The following ACBD6 variants were observed in gnomAD, a reference collection of about 807,000 sequenced individuals.
The protein encoded by ACBD6 is acyl-CoA binding domain containing 6.
ACBD6 carries 28 observed loss-of-function variants against 37.2 expected under a neutral mutation model. The ratio of observed to expected loss-of-function variants is 0.75; its 90% confidence interval spans 0.56 to 1.03. The LOEUF is 1.03. Among genes scored for constraint, ACBD6 ranks in the 50% least tolerant of loss-of-function variants. ACBD6 has a pLI of 0.00. For missense variants in ACBD6, 340 were observed against 337.4 expected (o/e 1.01, Z -0.06); for synonymous variants, 113 against 126.8 (o/e 0.89, Z 0.73).
chr1:180,352,454 G>A (rs1444333180), intron 6 of ACBD6, among the ~76,000 whole-genome samples: 1 of 152,014 alleles, frequency 6.6e-6, no homozygotes, highest in Admixed American at 6.5e-5. Flanking sequence ...CCTCCGAAAA[G>A]CTGGGATTAC....
intron 6 of ACBD6, among the ~76,000 whole-genome samples, chr1:180,333,390 C>A (rs1380681354): frequency 1.3e-5 from 2 of 152,092 alleles, no homozygotes; most frequent in Non-Finnish European, 2.9e-5. Context: ...TATGCTATTG[C>A]ATGCTCATGA....
chr1:180,486,059 G>A (rs1651252574), intron 3 of ACBD6, among the ~76,000 whole-genome samples: 1 of 151,982 alleles, frequency 6.6e-6, no homozygotes, highest in African/African-American at 2.4e-5. Context: ...TGAGCCCCGA[G>A]TGTCCCTACA....
intron 5 of ACBD6, among the ~76,000 whole-genome samples, chr1:180,401,570 G>A (rs1647362823): frequency 6.6e-6 from 1 of 151,958 alleles, no homozygotes; most frequent in Non-Finnish European, 1.5e-5. Flanking sequence ...GATCACCTGA[G>A]GTGAGGAGTT....
chr1:180,433,278 A>AAT (rs1648882136), intron 3 of ACBD6, among the ~76,000 whole-genome samples: 1 of 152,220 alleles, frequency 6.6e-6, no homozygotes, highest in African/African-American at 2.4e-5. Flanking sequence ...TAATACAATG[A>AAT]AGGACAAAAC....
At chr1:180,435,181 T>C in intron 3 of ACBD6, 1 of 686,354 alleles carries the variant, frequency 1.5e-6, no homozygotes, top group South Asian at 1.5e-5. Flanking sequence ...GACACGGATT[T>C]CAACATCGCT....
intron 7 of ACBD6, among the ~76,000 whole-genome samples, chr1:180,306,584 TG>T (rs1650386152): frequency 6.6e-6 from 1 of 152,212 alleles, no homozygotes; most frequent in Admixed American, 6.5e-5. Context: ...CTTTTGTGTC[TG>T]GCATCTCAGC....
intron 5 of ACBD6, among the ~76,000 whole-genome samples, chr1:180,407,579 G>C (rs925022248): frequency 2.0e-5 from 3 of 152,186 alleles, no homozygotes; most frequent in African/African-American, 7.2e-5. Flanking sequence ...ATAACACAGG[G>C]AAGGCCAAAT....
chr1:180,314,501 T>TC, intron 7 of ACBD6, among the ~76,000 whole-genome samples, 191 bp downstream of exon 7: 1 of 152,302 alleles, frequency 6.6e-6, no homozygotes. Flanking sequence ...CGCCTCAGCC[T>TC]CCCATAGTGC....
chr1:180,364,736 CTTTT>C (rs10646954), intron 6 of ACBD6, among the ~76,000 whole-genome samples: 1 of 140,886 alleles, frequency 7.1e-6, no homozygotes, highest in African/African-American at 2.6e-5. Context: ...TCCTTTCTAT[CTTTT>C]TTTTTTTTTT....
At chr1:180,435,210 A>T (rs1648979868) in intron 3 of ACBD6, 2 of 683,920 alleles carry the variant, frequency 2.9e-6, no homozygotes, top group African/African-American at 3.6e-5. Context: ...CATCTGGGGT[A>T]CTCTGGTGCT....
chr1:180,400,377 G>A (rs1240755803), intron 5 of ACBD6, among the ~76,000 whole-genome samples: 1 of 152,112 alleles, frequency 6.6e-6, no homozygotes, highest in Non-Finnish European at 1.5e-5. Context: ...ATTAATTCTT[G>A]TAACACATTA....
chr1:180,333,664 G>C (rs938966567), intron 6 of ACBD6, among the ~76,000 whole-genome samples: 26 of 152,170 alleles, frequency 1.7e-4, no homozygotes, highest in African/African-American at 5.3e-4. Context: ...TCAGAAAGTG[G>C]GTGCAGGACA....
chr1:180,275,069 A>C, exon 10 of ACBD6: 1 of 153,524 alleles, frequency 6.5e-6, no homozygotes. Context: ...TGAACCCTAT[A>C]TTTCAAAATG....
intron 3 of ACBD6, among the ~76,000 whole-genome samples, chr1:180,490,779 CTG>C (rs1342052170): frequency 7.1e-6 from 1 of 140,574 alleles, no homozygotes; most frequent in Non-Finnish European, 1.5e-5. Context: ...GAGTGAGACT[CTG>C]TCTCAAAAAA....
At chr1:180,433,985 T>C (rs528004198) in intron 3 of ACBD6, among the ~76,000 whole-genome samples, 9 of 152,136 alleles carry the variant, frequency 5.9e-5, no homozygotes, top group African/African-American at 2.2e-4. Flanking sequence ...GAAAGCGCCA[T>C]GTCCCTTCCT....
At chr1:180,334,559 A>G (rs1396426047) in intron 6 of ACBD6, among the ~76,000 whole-genome samples, 3 of 152,144 alleles carry the variant, frequency 2.0e-5, no homozygotes, top group African/African-American at 7.2e-5. Context: ...CAAAGATGGG[A>G]AAAAAACAGA....
chr1:180,394,413 T>C (rs1043497162), intron 6 of ACBD6, among the ~76,000 whole-genome samples: 2 of 151,884 alleles, frequency 1.3e-5, no homozygotes, highest in Non-Finnish European at 2.9e-5. Flanking sequence ...TTCTTTGTTG[T>C]TTTAATTTAG....
At chr1:180,433,300 T>C (rs1472437510) in intron 3 of ACBD6, among the ~76,000 whole-genome samples, 1 of 152,134 alleles carries the variant, frequency 6.6e-6, no homozygotes, top group East Asian at 1.9e-4. Context: ...CACATGATCA[T>C]CTCAATTGAT....
intron 4 of ACBD6, among the ~76,000 whole-genome samples, chr1:180,428,383 ATG>A (rs1354037573): frequency 3.5e-4 from 54 of 152,370 alleles, no homozygotes; most frequent in African/African-American, 1.3e-3. Context: ...TTCATAATAA[ATG>A]TGTGTTGAAT....
Sources: gnomAD v4.1 joint callset for allele counts (sites outside exome capture counted in the v4.1 genomes callset) on GRCh38, gnomAD v4.1.1 for gene constraint, MANE v1.5 for transcripts, NCBI Gene and HGNC (gene_info 2026-07-23, HGNC 2026-07-21) for gene names.